SLC17A8: variants seen among roughly 807,000 people sequenced by gnomAD.
SLC17A8 encodes solute carrier family 17 member 8, also known as vesicular glutamate transporter 3.
Under a neutral mutation model 58.0 loss-of-function variants are expected in SLC17A8, and 31 were observed. That is an observed-to-expected ratio of 0.53 (90% CI 0.40 to 0.72). The LOEUF is 0.72. Among genes scored for constraint, SLC17A8 ranks in the 30% least tolerant of loss-of-function variants. The pLI is 0.00. For synonymous variants in SLC17A8, 228 were observed against 249.0 expected, an observed-to-expected ratio of 0.92 and a Z score of 0.79; for missense variants, 655 against 727.8, an observed-to-expected ratio of 0.90 and a Z score of 1.15.
intron 9 of SLC17A8, among the ~76,000 whole-genome samples, chr12:100,404,817 T>C (rs1952815390): frequency 6.6e-6 from 1 of 152,246 alleles, no homozygotes; most frequent in South Asian, 2.1e-4. Context: ...ATATGCAATT[T>C]GCAATGAGGA....
intron 1 of SLC17A8, among the ~76,000 whole-genome samples, chr12:100,361,632 C>T (rs1418133490): frequency 6.6e-6 from 1 of 152,114 alleles, no homozygotes; most frequent in African/African-American, 2.4e-5. Context: ...ATTTAATGAG[C>T]TCTTCCTGAA....
At chr12:100,398,262 C>G (rs982096095) in intron 5 of SLC17A8, among the ~76,000 whole-genome samples, 1 of 152,134 alleles carries the variant, frequency 6.6e-6, no homozygotes, top group Non-Finnish European at 1.5e-5. Flanking sequence ...TGTCTCTTGT[C>G]CTTAGAAACC....
intron 2 of SLC17A8, among the ~76,000 whole-genome samples, chr12:100,388,911 C>G (rs1952694773): frequency 6.6e-6 from 1 of 152,174 alleles, no homozygotes; most frequent in Non-Finnish European, 1.5e-5. Flanking sequence ...CAGGACATGG[C>G]TGCTATCTTA....
At chr12:100,407,767 G>A (rs959915077) in intron 9 of SLC17A8, among the ~76,000 whole-genome samples, 86 of 151,754 alleles carry the variant, frequency 5.7e-4, no homozygotes, top group Admixed American at 2.4e-3. Flanking sequence ...CACCACACCC[G>A]GCTAATTTTT....
intron 2 of SLC17A8, among the ~76,000 whole-genome samples, chr12:100,387,500 C>G (rs1281543610): frequency 6.6e-6 from 1 of 152,174 alleles, no homozygotes; most frequent in South Asian, 2.1e-4. Context: ...GGCTCTTCTT[C>G]ATGTATTATT....
At chr12:100,395,058 C>T (rs1403454359) in intron 4 of SLC17A8, among the ~76,000 whole-genome samples, 2 of 151,882 alleles carry the variant, frequency 1.3e-5, no homozygotes, top group African/African-American at 2.4e-5. Context: ...CACTTAACAG[C>T]CCTGAGTCTC....
chr12:100,393,573 T>C, intron 4 of SLC17A8, 90 bp downstream of exon 4: 2 of 947,598 alleles, frequency 2.1e-6, no homozygotes, highest in South Asian at 1.3e-5. Flanking sequence ...TCCCCTTTAC[T>C]CAGTTTTTTT....
chr12:100,401,942 C>A, intron 6 of SLC17A8, 79 bp downstream of exon 6: 1 of 1,084,200 alleles, frequency 9.2e-7, no homozygotes, highest in Non-Finnish European at 1.4e-6. Context: ...GCTCAGAGTT[C>A]ATTACATCAA....
chr12:100,367,674 C>A (rs992458552), intron 1 of SLC17A8, among the ~76,000 whole-genome samples: 1 of 152,234 alleles, frequency 6.6e-6, no homozygotes, highest in Non-Finnish European at 1.5e-5. Flanking sequence ...CCTCAGCCTC[C>A]TGAGTAGCTG....
intron 8 of SLC17A8, among the ~76,000 whole-genome samples, chr12:100,403,050 G>T (rs564287027): frequency 1.3e-5 from 2 of 152,290 alleles, no homozygotes; most frequent in East Asian, 1.9e-4. Context: ...AGATTTGAGG[G>T]TGTGGGTTTT....
intron 9 of SLC17A8, among the ~76,000 whole-genome samples, chr12:100,404,608 T>G (rs1449566338): frequency 6.6e-6 from 1 of 152,146 alleles, no homozygotes. Flanking sequence ...TGTTAGGTGA[T>G]TTCCCAAAAG....
chr12:100,405,482 T>C (rs1426930915), intron 9 of SLC17A8, among the ~76,000 whole-genome samples: 1 of 151,886 alleles, frequency 6.6e-6, no homozygotes, highest in East Asian at 1.9e-4. Flanking sequence ...ATAATCCTTA[T>C]AAAAGGAGGA....
chr12:100,419,465 G>A (rs371306916), intron 11 of SLC17A8, among the ~76,000 whole-genome samples: 10 of 151,560 alleles, frequency 6.6e-5, no homozygotes, highest in Admixed American at 2.0e-4. Context: ...CCCAGGAGGC[G>A]GAGCTTGCAG....
chr12:100,393,510 T>C (rs371819885), intron 4 of SLC17A8, 27 bp downstream of exon 4: 521 of 1,529,090 alleles, frequency 3.4e-4, no homozygotes, highest in Non-Finnish European at 4.6e-4. Flanking sequence ...TTACAGTTTT[T>C]GATATTGCTA....
intron 1 of SLC17A8, among the ~76,000 whole-genome samples, chr12:100,372,452 A>G (rs1206227593): frequency 2.0e-5 from 3 of 152,060 alleles, no homozygotes; most frequent in African/African-American, 4.8e-5. Context: ...GGCTTAAGTG[A>G]TCCTCTCCCC....
intron 10 of SLC17A8, among the ~76,000 whole-genome samples, chr12:100,415,791 A>G (rs533301191): frequency 5.9e-5 from 9 of 152,182 alleles, no homozygotes; most frequent in Non-Finnish European, 1.3e-4. Context: ...TGAGAAAGGT[A>G]TTGCTATATT....
chr12:100,416,516 AT>A (rs1952907616), intron 10 of SLC17A8, among the ~76,000 whole-genome samples: 1 of 152,014 alleles, frequency 6.6e-6, no homozygotes, highest in Non-Finnish European at 1.5e-5. Flanking sequence ...GAACAAAAAA[AT>A]GTTTTAAGTC....
intron 11 of SLC17A8, among the ~76,000 whole-genome samples, chr12:100,419,408 C>G (rs1296491756): frequency 6.6e-6 from 1 of 151,996 alleles, no homozygotes; most frequent in Non-Finnish European, 1.5e-5. Flanking sequence ...GTGGCGGGCA[C>G]CTGTAGTCCC....
chr12:100,417,961 A>G, intron 10 of SLC17A8, 68 bp from the exon 11 acceptor site: 4 of 1,602,248 alleles, frequency 2.5e-6, no homozygotes, highest in Non-Finnish European at 3.4e-6. Context: ...GGGGCAACTG[A>G]GTATTTTCCA....
Sources: gnomAD v4.1 joint callset for allele counts (sites outside exome capture counted in the v4.1 genomes callset) on GRCh38, gnomAD v4.1.1 for gene constraint, MANE v1.5 for transcripts, NCBI Gene and HGNC (gene_info 2026-07-23, HGNC 2026-07-21) for gene names.